Variants in MYO5B observed in about 807,000 individuals in gnomAD.
MYO5B encodes myosin VB, also known as unconventional myosin-Vb.
In MYO5B, 143 loss-of-function variants were observed where a neutral mutation model predicts 229.3. The observed-to-expected ratio is 0.62, with a 90% CI of 0.54 to 0.72. The LOEUF (loss-of-function observed/expected upper bound fraction) is 0.72. MYO5B is among the 30% of genes least tolerant of loss of function. The pLI is 0.00. For missense variants in MYO5B, 2,321 were observed against 2,331.0 expected (o/e 1.00, Z 0.09); for synonymous variants, 918 against 885.2 (o/e 1.04, Z -0.66).
intron 5 of MYO5B, among the ~76,000 whole-genome samples, chr18:49,995,970 A>G (rs1399973618): frequency 6.6e-6 from 1 of 152,246 alleles, no homozygotes; most frequent in African/African-American, 2.4e-5. Context: ...CATGTTAAAC[A>G]ATGTCATACA....
chr18:49,996,731 A>T (rs957544501), intron 5 of MYO5B, among the ~76,000 whole-genome samples: 8 of 152,264 alleles, frequency 5.3e-5, no homozygotes, highest in Admixed American at 2.0e-4. Context: ...CCAGTATGGG[A>T]AAAGCTCTAA....
At position 50,122,595 on chromosome 18, in the gene MYO5B, G is replaced by GGAGA. The variant is rs1297463236; in HGVS notation, c.28-67221_28-67218dup. 1.7e-4 allele frequency among the ~76,000 whole-genome samples: 16 copies of GGAGA among 93,534 alleles called. No homozygotes were observed. In the East Asian group the frequency reaches 2.5e-3, roughly 15 times the overall value. 61.4% of individuals were successfully genotyped at this position (93,534 alleles called of 152,430 possible). A position where few individuals can be genotyped will look rare whatever the true frequency, so the allele number is the denominator to read the frequency against. On this transcript the variant is annotated intron_variant, in intron 1 of 39. Coordinates refer to ENST00000285039, the MANE Select transcript of MYO5B (RefSeq NM_001080467.3). Reference sequence around the variant, plus strand: ...GGGAGAGGGAGAGAGGAAGAGAGGGGGAGAGAGAGAGAAAGAGAGGGAGGG... The same window carrying GGAGA: ...GGGAGAGGGAGAGAGGAAGAGAGGGGGAGAGAGAGAGAGAGAAAGAGAGGGAGGG...
Position 49,904,719 on chromosome 18 carries a change from TAAC to T in MYO5B, c.2521_2523del (p.Val841del). On this transcript the variant is annotated inframe_deletion, in exon 20 of 40. Transcript: ENST00000285039. Reference sequence around the variant, plus strand: ...AACATGGCCCGGGTGAAGGCCTGGATAACAACGGCAGCTCTGCGGACCCTCTGG... The same window carrying T: ...AACATGGCCCGGGTGAAGGCCTGGATAACGGCAGCTCTGCGGACCCTCTGG... The T allele has an allele frequency of 6.2e-7, 1 of 1,614,078 alleles. No individual in the cohort carries two copies. Among genetic ancestry groups the T allele is most frequent in the Non-Finnish European group, 8.5e-7 (1 of 1,180,032 alleles).
Position 50,037,032 on chromosome 18 carries a change from GA to G in MYO5B, c.311-39del, listed in dbSNP as rs757389340. The G allele has an allele frequency of 3.0e-5, 49 of 1,613,244 alleles. No homozygotes were observed. The East Asian group carries it at 1.1e-3, about 35-fold the overall frequency. On this transcript the variant is annotated intron_variant, in intron 3 of 39. Coordinates refer to ENST00000285039, the MANE Select transcript of MYO5B (RefSeq NM_001080467.3). ...AAGGTGGTCAGATTCCGACAGCACAGAAGACACCTGGCATTATTAGCTCAAG... is the reference window on the plus strand; with the variant it reads ...AAGGTGGTCAGATTCCGACAGCACAGAGACACCTGGCATTATTAGCTCAAG...
intron 1 of MYO5B, among the ~76,000 whole-genome samples, chr18:50,120,153 CTT>C (rs1429184247): frequency 2.6e-5 from 4 of 152,352 alleles, no homozygotes; most frequent in Non-Finnish European, 4.4e-5. Context: ...GGAACAAAGA[CTT>C]ATCGAGCAGT....
intron 10 of MYO5B, among the ~76,000 whole-genome samples, chr18:49,973,257 T>C (rs1484941592): frequency 2.0e-5 from 3 of 152,168 alleles, no homozygotes; most frequent in East Asian, 3.9e-4. Flanking sequence ...GCATGCAACA[T>C]AGTTCAATTT....
intron 1 of MYO5B, among the ~76,000 whole-genome samples, chr18:50,193,678 A>C (rs1468853449): frequency 6.6e-6 from 1 of 152,250 alleles, no homozygotes; most frequent in African/African-American, 2.4e-5. Context: ...AGGCGTGTGC[A>C]TAGGCACTGT....
chr18:50,181,972 T>C (rs567730721), intron 1 of MYO5B, among the ~76,000 whole-genome samples: 102 of 152,326 alleles, frequency 6.7e-4, no homozygotes, highest in African/African-American at 2.3e-3. Flanking sequence ...CCCTTTAACA[T>C]ACTAATACCT....
chr18:49,967,356 C>A (rs1225440722), intron 10 of MYO5B, among the ~76,000 whole-genome samples: 1 of 152,202 alleles, frequency 6.6e-6, no homozygotes, highest in Non-Finnish European at 1.5e-5. Flanking sequence ...CTCCTTGAAT[C>A]TCTCACTCCA....
intron 14 of MYO5B, among the ~76,000 whole-genome samples, chr18:49,948,229 G>A (rs544740477): frequency 1.1e-3 from 164 of 152,110 alleles, no homozygotes; most frequent in Non-Finnish European, 2.0e-3. Context: ...CTCTTCCCCA[G>A]AATCTTTTCT....
intron 1 of MYO5B, among the ~76,000 whole-genome samples, chr18:50,111,527 TG>T (rs1271438343): frequency 6.6e-6 from 1 of 152,216 alleles, no homozygotes; most frequent in African/African-American, 2.4e-5. Context: ...ACATGTTCCT[TG>T]GGTAAATTTA....
At chr18:49,916,538 C>T (rs928662066) in intron 17 of MYO5B, among the ~76,000 whole-genome samples, 2 of 152,226 alleles carry the variant, frequency 1.3e-5, no homozygotes, top group African/African-American at 2.4e-5. Flanking sequence ...TTGTTTCCTG[C>T]CTAAGCCACT....
intron 1 of MYO5B, among the ~76,000 whole-genome samples, chr18:50,123,229 G>A (rs1395440495): frequency 6.6e-6 from 1 of 152,104 alleles, no homozygotes; most frequent in Admixed American, 6.5e-5. Flanking sequence ...GAAATATCCA[G>A]AATACACAAA....
At chr18:50,160,227 C>T (rs2032744940) in intron 1 of MYO5B, among the ~76,000 whole-genome samples, 1 of 152,232 alleles carries the variant, frequency 6.6e-6, no homozygotes, top group African/African-American at 2.4e-5. Context: ...TAGCTGCTCT[C>T]TCGAAAACTC....
At chr18:50,048,803 A>T (rs2030311037) in intron 2 of MYO5B, among the ~76,000 whole-genome samples, 1 of 152,122 alleles carries the variant, frequency 6.6e-6, no homozygotes, top group South Asian at 2.1e-4. Flanking sequence ...CTGGCAGATC[A>T]CCTGAGCTCA....
intron 1 of MYO5B, among the ~76,000 whole-genome samples, chr18:50,058,541 T>C (rs1427001535): frequency 6.6e-6 from 1 of 152,132 alleles, no homozygotes; most frequent in Admixed American, 6.5e-5. Flanking sequence ...CCGGGCACAG[T>C]GGCTCACACC....
chr18:49,894,336 G>T (rs1787562), intron 22 of MYO5B, among the ~76,000 whole-genome samples: 1 of 151,592 alleles, frequency 6.6e-6, no homozygotes, highest in Non-Finnish European at 1.5e-5. Context: ...CTGTGGGGGG[G>T]TCTCCAGGGG....
intron 1 of MYO5B, among the ~76,000 whole-genome samples, chr18:50,174,571 A>C (rs1046575048): frequency 6.6e-6 from 1 of 152,210 alleles, no homozygotes; most frequent in African/African-American, 2.4e-5. Context: ...ATGGGAGAAC[A>C]TCATGGAAAA....
At chr18:49,832,236 C>G (rs1219106306) in intron 39 of MYO5B, among the ~76,000 whole-genome samples, 1 of 152,116 alleles carries the variant, frequency 6.6e-6, no homozygotes, top group Non-Finnish European at 1.5e-5. Context: ...GAGAAGAGTA[C>G]CCTTCTGATA....
Sources: allele counts gnomAD v4.1 joint callset (sites outside exome capture counted in the v4.1 genomes callset), GRCh38; gene constraint gnomAD v4.1.1; transcripts MANE v1.5; gene names NCBI Gene and HGNC (gene_info 2026-07-23, HGNC 2026-07-21).